The following TSC1 variants were observed in gnomAD, a reference collection of about 807,000 sequenced individuals.
TSC1 encodes hamartin.
A neutral mutation model predicts 124.3 loss-of-function variants in TSC1; 20 were observed. The observed-to-expected ratio is 0.16, with a 90% confidence interval of 0.11 to 0.23. The LOEUF (loss-of-function observed/expected upper bound fraction) is 0.23, where lower values mean the gene tolerates loss of function less well. Ranked by LOEUF, TSC1 falls within the 10% of genes least tolerant of loss-of-function variation. TSC1 has a pLI of 1.00. For missense variants in TSC1, 1,124 were observed against 1,448.5 expected (o/e 0.78, Z 3.64); for synonymous variants, 493 against 539.1 (o/e 0.91, Z 1.19).
intron 12 of TSC1, chr9:132,909,742 A>G (rs940860604): frequency 6.6e-6 from 1 of 152,232 alleles, no homozygotes; most frequent in Admixed American, 6.5e-5. Context: ...TTACACATAC[A>G]TGTTCTCAAG....
chr9:132,943,231 T>TAAA (rs11378053), intron 1 of TSC1, among the ~76,000 whole-genome samples: 10 of 143,738 alleles, frequency 7.0e-5, no homozygotes, highest in Admixed American at 2.8e-4. Context: ...GCTTTCTATT[T>TAAA]AAAAAAAAAA....
chr9:132,936,423 T>C (rs77381555), intron 1 of TSC1, among the ~76,000 whole-genome samples: 1,973 of 152,304 alleles, frequency 0.013, 17 homozygotes, highest in Non-Finnish European at 0.022. Flanking sequence ...GGCCAGTATT[T>C]CTTAAATAAA....
intron 12 of TSC1, chr9:132,909,938 C>T (rs558840123): frequency 1.3e-5 from 2 of 153,136 alleles, no homozygotes; most frequent in East Asian, 1.9e-4. Flanking sequence ...CACCCCCCGT[C>T]GTATTTGTGC....
intron 4 of TSC1, chr9:132,926,761 G>A (rs1053325970): frequency 1.0e-4 from 22 of 212,146 alleles, no homozygotes; most frequent in Admixed American, 7.4e-4. Flanking sequence ...TGCAACCTCC[G>A]CCTCCCAGGT....
In TSC1 at chr9:132,921,805, C is replaced by G. The variant is rs2132148240; in HGVS notation, c.663+14G>C. 1 of 1,614,006 alleles carries G rather than the reference C, an allele frequency of 6.2e-7. No homozygotes were observed. Among genetic ancestry groups the G allele is most frequent in the Non-Finnish European group, 8.5e-7 (1 of 1,179,966 alleles). ...GTATACTAAGTAGCAAACAAACAAG[C>G]AGTTTCAATTTACCTTGACCACTTC... On this transcript the variant is annotated intron_variant, in intron 7 of 22. Coordinates refer to ENST00000298552, the MANE Select transcript of TSC1 (RefSeq NM_000368.5). This position sits in a 1 kb window ranked among gnomAD's most constrained non-coding sequence, Gnocchi z 4.3.
intron 8 of TSC1, among the ~76,000 whole-genome samples, chr9:132,913,549 G>T (rs1309570480): frequency 1.3e-5 from 2 of 151,752 alleles, no homozygotes; most frequent in African/African-American, 4.8e-5. Context: ...ATGTCTTGAC[G>T]TACATACAGA....
rs114755636 is a variant in TSC1 at position 132,935,051 on chromosome 9, G to A, written c.-99C>T. On this transcript the variant is annotated 5_prime_UTR_variant, in exon 2 of 23. Coordinates refer to ENST00000298552, the MANE Select transcript of TSC1 (RefSeq NM_000368.5). The stretch of plus-strand genomic sequence containing the variant: ...AGCTTACCTGTTCTAGCGACAACTG[G>A]TACTTCAGTTTCCAGTGCTGTCAAC... The A allele has an allele frequency of 1.5e-3, 608 of 399,048 alleles. 4 individuals are homozygous for A. Among genetic ancestry groups the A allele is most frequent in the African/African-American group, 0.011 (547 of 48,734 alleles). 24.7% of individuals were successfully genotyped at this position (399,048 alleles called of 1,614,324 possible).
In TSC1 at chr9:132,910,709, G is replaced by A. The variant is rs1845909117; in HGVS notation, c.1142-17C>T. 4 of 1,612,908 alleles carry A rather than the reference G, an allele frequency of 2.5e-6. No individual in the cohort carries two copies. The African/African-American group carries it at 4.0e-5, about 16-fold the overall frequency. On this transcript the variant is annotated splice_polypyrimidine_tract_variant and intron_variant, in intron 11 of 22. Transcript: ENST00000298552. Reference sequence around the variant, plus strand: ...TTCCACCTGCTTAGAGACAAGGGCAGAACATATATGAACACTGAGCCCAAC... The same window carrying A: ...TTCCACCTGCTTAGAGACAAGGGCAAAACATATATGAACACTGAGCCCAAC...
chr9:132,939,723 A>G (rs189844046), intron 1 of TSC1, among the ~76,000 whole-genome samples: 266 of 152,360 alleles, frequency 1.7e-3, no homozygotes, highest in African/African-American at 6.0e-3. Flanking sequence ...AAACTGTGAG[A>G]TATCTTTAGG....
intron 3 of TSC1, 110 bp from the exon 4 acceptor site, chr9:132,927,414 C>G: frequency 1.0e-6 from 1 of 999,360 alleles, no homozygotes; most frequent in East Asian, 2.7e-5. Context: ...ATATGCTATT[C>G]TAAGTTTTGT....
chr9:132,907,876 C>T (rs1245410968), intron 12 of TSC1, among the ~76,000 whole-genome samples: 1 of 152,206 alleles, frequency 6.6e-6, no homozygotes, highest in African/African-American at 2.4e-5. Flanking sequence ...CCCTTGAGCT[C>T]AGCAGTTTGA....
At position 132,896,030 on chromosome 9, in the gene TSC1, C is replaced by T. The variant is rs142517227; in HGVS notation, c.*205G>A. On this transcript the variant is annotated 3_prime_UTR_variant, in exon 23 of 23. Coordinates refer to ENST00000298552, the MANE Select transcript of TSC1 (RefSeq NM_000368.5). This position sits in a 1 kb window ranked among gnomAD's most constrained non-coding sequence, Gnocchi z 4.5. The stretch of plus-strand genomic sequence containing the variant: ...CGAGGTAAATGAGAGGGGGTTAGGG[C>T]GGGTGGAGGGGAAGGTCAAGAGGCA... 28 of 679,748 alleles carry T rather than the reference C, an allele frequency of 4.1e-5. No individual in the cohort carries two copies. The highest frequency in any genetic ancestry group is 3.3e-4 in the East Asian group (12 of 36,828). The allele number at this position is 679,748 out of a possible 1,614,324, so 42.1% of individuals were successfully genotyped here.
intron 15 of TSC1, 101 bp from the exon 16 acceptor site, chr9:132,904,555 C>A: frequency 8.9e-7 from 1 of 1,127,096 alleles, no homozygotes; most frequent in Admixed American, 1.9e-5. Flanking sequence ...TCCTTGTGGT[C>A]AAAATCTGCA....
Position 132,928,893 on chromosome 9 carries a change from T to C in TSC1, c.-21A>G. On this transcript the variant is annotated 5_prime_UTR_variant, in exon 3 of 23. Transcript: ENST00000298552. ...GCCATTCTCTCGCTCGAAGGCGCTG[T>C]GCTGGCTCCAGGACGTGTGCTACAG... 1 of 1,613,826 alleles carries C rather than the reference T, an allele frequency of 6.2e-7. No individual in the cohort carries two copies. Among genetic ancestry groups the C allele is most frequent in the South Asian group, 1.1e-5 (1 of 91,066 alleles).
At position 132,903,524 on chromosome 9, in the gene TSC1, G is replaced by T; in HGVS notation, c.2208+127C>A. 1.5e-6 allele frequency: 2 copies of T among 1,368,562 alleles called. No homozygotes were observed. The highest frequency in any genetic ancestry group is 1.2e-5 in the South Asian group (1 of 84,634). 84.8% of individuals were successfully genotyped at this position (1,368,562 alleles called of 1,614,324 possible). A position where few individuals can be genotyped will look rare whatever the true frequency, so the allele number is the denominator to read the frequency against. On this transcript the variant is annotated intron_variant, in intron 17 of 22. Coordinates refer to ENST00000298552, the MANE Select transcript of TSC1 (RefSeq NM_000368.5). This position sits in a 1 kb window ranked among gnomAD's most constrained non-coding sequence, Gnocchi z 5.9. Reference sequence around the variant, plus strand: ...CACCATTCATGTCTTAATCTCAAGCGACCTGCCCAAAGGAGTGGGAAGGAC... The same window carrying T: ...CACCATTCATGTCTTAATCTCAAGCTACCTGCCCAAAGGAGTGGGAAGGAC...
chr9:132,919,449 C>T (rs1480502250), intron 8 of TSC1, among the ~76,000 whole-genome samples: 1 of 152,154 alleles, frequency 6.6e-6, no homozygotes, highest in South Asian at 2.1e-4. Flanking sequence ...AACTCCCTAC[C>T]AGCTCCCCTA....
chr9:132,929,072 C>T (rs1397220713), intron 2 of TSC1, 120 bp from the exon 3 acceptor site: 3 of 812,900 alleles, frequency 3.7e-6, no homozygotes, highest in Non-Finnish European at 5.6e-6. Context: ...GGCCAGAATT[C>T]TCTGATTCAA....
chr9:132,930,030 T>C (rs538943752), intron 2 of TSC1, among the ~76,000 whole-genome samples: 1 of 152,182 alleles, frequency 6.6e-6, no homozygotes, highest in Non-Finnish European at 1.5e-5. Flanking sequence ...ATTTTACACA[T>C]GGGGATATGC....
At chr9:132,925,005 G>A (rs185694527) in intron 5 of TSC1, 57 of 155,590 alleles carry the variant, frequency 3.7e-4, no homozygotes, top group African/African-American at 1.1e-3. Flanking sequence ...ACAAGTCCAG[G>A]AACTAAAACA....
Sources: allele counts gnomAD v4.1 joint callset (sites outside exome capture counted in the v4.1 genomes callset), GRCh38; gene constraint gnomAD v4.1.1; non-coding constraint Gnocchi (gnomAD v3.1); transcripts MANE v1.5; gene names NCBI Gene and HGNC (gene_info 2026-07-23, HGNC 2026-07-21).